The following SMC2 variants were observed in gnomAD, a reference collection of about 807,000 sequenced individuals.
SMC2 encodes structural maintenance of chromosomes protein 2.
In SMC2, 41 loss-of-function variants were observed where a neutral mutation model predicts 142.6. That is an observed-to-expected ratio of 0.29 (90% CI 0.22 to 0.37). The LOEUF (loss-of-function observed/expected upper bound fraction) is 0.37. Ranked by LOEUF, SMC2 falls within the 10% of genes least tolerant of loss-of-function variation. SMC2 has a pLI of 1.00. For missense variants in SMC2, 1,265 were observed against 1,373.7 expected (o/e 0.92, Z 1.25); for synonymous variants, 463 against 457.5 (o/e 1.01, Z -0.15).
At chr9:104,136,754 TC>T (rs1188942702) in intron 23 of SMC2, among the ~76,000 whole-genome samples, 12 of 149,570 alleles carry the variant, frequency 8.0e-5, no homozygotes, top group Non-Finnish European at 1.0e-4. Flanking sequence ...ACTGTTTTAT[TC>T]TTTTTTTTTT....
chr9:104,094,137 C>T, upstream of SMC2: 1 of 373,696 alleles, frequency 2.7e-6, no homozygotes, highest in Non-Finnish European at 4.8e-6. Flanking sequence ...AGTGCCCAGG[C>T]CCCTGCCGGG....
upstream of SMC2, chr9:104,094,231 C>G: frequency 2.5e-6 from 1 of 396,958 alleles, no homozygotes; most frequent in East Asian, 3.6e-5. Flanking sequence ...AAAATTGAAC[C>G]CTAAAGACAG....
At chr9:104,134,648 T>C (rs1321389219) in intron 23 of SMC2, 73 bp downstream of exon 23, 17 of 1,063,914 alleles carry the variant, frequency 1.6e-5, no homozygotes, top group Non-Finnish European at 2.0e-5. Flanking sequence ...CTTAAAACTG[T>C]ATTTGTGTTT....
chr9:104,132,841 T>C (rs949574383), intron 22 of SMC2, among the ~76,000 whole-genome samples: 2 of 128,264 alleles, frequency 1.6e-5, no homozygotes, highest in Non-Finnish European at 3.1e-5. Context: ...ATCTGAGAGG[T>C]TTTTTTTTTT....
intron 9 of SMC2, among the ~76,000 whole-genome samples, chr9:104,110,517 A>C (rs1379048308): frequency 6.6e-6 from 1 of 152,160 alleles, no homozygotes; most frequent in Non-Finnish European, 1.5e-5. Flanking sequence ...TTAATAGTTA[A>C]GTTTTTGGGG....
intron 21 of SMC2, 78 bp from the exon 22 acceptor site, chr9:104,131,931 C>T: frequency 2.7e-6 from 2 of 747,530 alleles, no homozygotes; most frequent in Non-Finnish European, 4.6e-6. Flanking sequence ...ATAATGAAAA[C>T]TGTTTATTTC....
At chr9:104,113,085 AT>A (rs1483841563) in intron 10 of SMC2, among the ~76,000 whole-genome samples, 1 of 152,172 alleles carries the variant, frequency 6.6e-6, no homozygotes, top group Non-Finnish European at 1.5e-5. Context: ...ACGGACTTAA[AT>A]TTCAAATTCT....
intron 20 of SMC2, among the ~76,000 whole-genome samples, chr9:104,129,439 T>C (rs1247269346): frequency 3.3e-5 from 5 of 151,828 alleles, no homozygotes; most frequent in Non-Finnish European, 7.4e-5. Context: ...GAGGTGTAAG[T>C]TGCGGTCAGC....
At chr9:104,099,706 TA>T in intron 5 of SMC2, 24 bp downstream of exon 5, 1 of 1,373,394 alleles carries the variant, frequency 7.3e-7, no homozygotes, top group Non-Finnish European at 1.0e-6. Flanking sequence ...TTATGGACAT[TA>T]AAAATAGTTG....
At chr9:104,090,584 T>C (rs1285863739), upstream of SMC2, among the ~76,000 whole-genome samples, 1 of 152,112 alleles carries the variant, frequency 6.6e-6, no homozygotes, top group African/African-American at 2.4e-5. Flanking sequence ...ATATACAATA[T>C]TTGCATAATT....
upstream of SMC2, among the ~76,000 whole-genome samples, chr9:104,089,823 AT>A (rs1001098242): frequency 6.6e-6 from 1 of 151,892 alleles, no homozygotes; most frequent in Admixed American, 6.6e-5. Context: ...TAATTTTTGT[AT>A]TTTAGTAGAC....
intron 7 of SMC2, 118 bp downstream of exon 7, chr9:104,100,551 A>C (rs1830997094): frequency 3.1e-6 from 2 of 653,526 alleles, no homozygotes; most frequent in South Asian, 2.0e-5. Context: ...CGATGAGATA[A>C]GGAATTAGAG....
intron 18 of SMC2, 138 bp from the exon 19 acceptor site, chr9:104,126,503 G>A: frequency 1.8e-6 from 1 of 547,508 alleles, no homozygotes; most frequent in Non-Finnish European, 3.0e-6. Context: ...AGCTTAACCT[G>A]TACTTTCGGT....
chr9:104,101,916 TA>T, intron 7 of SMC2, 43 bp from the exon 8 acceptor site: 1 of 1,224,798 alleles, frequency 8.2e-7, no homozygotes, highest in Non-Finnish European at 1.2e-6. Context: ...ATTTTTTTTT[TA>T]ATACAATTTT....
chr9:104,089,835 G>A (rs941698418), upstream of SMC2, among the ~76,000 whole-genome samples: 15 of 152,040 alleles, frequency 9.9e-5, no homozygotes, highest in Middle Eastern at 3.4e-3. Flanking sequence ...TTTAGTAGAC[G>A]GGGTTTCGCC....
chr9:104,116,377 T>TAGA, intron 14 of SMC2, 58 bp downstream of exon 14: 7 of 1,472,052 alleles, frequency 4.8e-6, no homozygotes, highest in Non-Finnish European at 6.4e-6. Flanking sequence ...TTTTTTAAGT[T>TAGA]AGAAGACATT....
Position 104,114,058 on chromosome 9 carries a change from T to G in SMC2, c.1509T>G (p.Phe503Leu). 1 of 1,578,622 alleles carries G rather than the reference T, an allele frequency of 6.3e-7. No homozygotes were observed. Among genetic ancestry groups the G allele is most frequent in the South Asian group, 1.2e-5 (1 of 85,710 alleles). ...KETYEALLARFPNLRFAYKDP... is the reference protein window; with the variant it reads ...KETYEALLARLPNLRFAYKDP... The stretch of plus-strand genomic sequence containing the variant: ...CATATGAAGCTCTATTAGCCAGATT[T>G]CCCAATCTTCGATTTGCATACAAGT... Residue 503 changes from phenylalanine (F) to leucine (L), a missense_variant, in exon 12 of 25, where the codon TTT (phenylalanine) becomes TTG (leucine). By Grantham distance (22) the Phe-to-Leu change is conservative. This residue lies in a region of SMC2 where 898 missense variants were observed against 904.2 expected (regional missense o/e 0.99). Coordinates refer to ENST00000374793, the MANE Select transcript of SMC2 (RefSeq NM_006444.3).
At chr9:104,111,962 A>G in intron 10 of SMC2, 148 bp downstream of exon 10, 1 of 606,618 alleles carries the variant, frequency 1.6e-6, no homozygotes, top group Non-Finnish European at 2.8e-6. Context: ...CTAATGCCTA[A>G]TGCAGCGAAA....
At chr9:104,111,096 G>C (rs1832388835) in intron 9 of SMC2, among the ~76,000 whole-genome samples, 1 of 152,130 alleles carries the variant, frequency 6.6e-6, no homozygotes, top group South Asian at 2.1e-4. Context: ...CATAGTGTCA[G>C]CTATCTGGTA....
Sources: gnomAD v4.1 joint callset for allele counts (sites outside exome capture counted in the v4.1 genomes callset) on GRCh38, gnomAD v4.1.1 for gene constraint, gnomAD v4.1.1 regional missense constraint, MANE v1.5 for transcripts, NCBI Gene and HGNC (gene_info 2026-07-23, HGNC 2026-07-21) for gene names.